The following ASIC5 variants were observed in gnomAD, a reference collection of about 807,000 sequenced individuals.
ASIC5 encodes the protein acid sensing ion channel subunit family member 5, also known as bile acid-sensitive ion channel.
A neutral mutation model predicts 51.2 loss-of-function variants in ASIC5; 52 were observed. The ratio of observed to expected loss-of-function variants is 1.02; its 90% confidence interval spans 0.81 to 1.28. ASIC5 has a LOEUF of 1.28. ASIC5 is among the 50% of genes most tolerant of loss of function. The pLI is 0.00. For synonymous variants in ASIC5, 231 were observed against 200.7 expected (o/e 1.15, Z -1.28); for missense variants, 635 against 595.0 (o/e 1.07, Z -0.70).
chr4:155,834,310 A>G (rs2111225163), intron 8 of ASIC5, among the ~76,000 whole-genome samples: 1 of 152,280 alleles, frequency 6.6e-6, no homozygotes, highest in East Asian at 1.9e-4. Context: ...TGGTTAAGTT[A>G]GGGGTCGCTT....
rs1741469566 is a variant in ASIC5 at position 155,854,273 on chromosome 4, A to C, written c.389T>G (p.Phe130Cys). The C allele has an allele frequency of 6.2e-7, 1 of 1,612,882 alleles. No individual in the cohort carries two copies. The highest frequency in any genetic ancestry group is 1.3e-5 in the African/African-American group (1 of 74,822). Residue 130 changes from phenylalanine (F) to cysteine (C), a missense_variant, in exon 3 of 10, where the codon TTC becomes TGC. Physicochemically the swap from Phe to Cys is radical, Grantham distance 205 (BLOSUM62 -2). Transcript: ENST00000537611. ...DAVAKFGVIFFLWHIVSKVLH... is the reference protein window; with the variant it reads ...DAVAKFGVIFCLWHIVSKVLH... ...GACTTTGGATACAATGTGCCATAAG[A>C]AAAAAATAACACCAAATTTGGCTAC... is the stretch of plus-strand genomic sequence containing the variant.
intron 8 of ASIC5, among the ~76,000 whole-genome samples, chr4:155,835,606 C>T (rs1330756602): frequency 6.6e-6 from 1 of 152,084 alleles, no homozygotes; most frequent in African/African-American, 2.4e-5. Flanking sequence ...TATTTAAATA[C>T]ATCAGGAACA....
At chr4:155,861,732 T>C (rs570040537) in intron 2 of ASIC5, among the ~76,000 whole-genome samples, 5 of 152,082 alleles carry the variant, frequency 3.3e-5, no homozygotes, top group Non-Finnish European at 7.4e-5. Flanking sequence ...CTATGTCTTA[T>C]GCCTTTTGTC....
At chr4:155,830,720 C>G (rs1457814702) in intron 9 of ASIC5, among the ~76,000 whole-genome samples, 1 of 152,148 alleles carries the variant, frequency 6.6e-6, no homozygotes, top group Non-Finnish European at 1.5e-5. Flanking sequence ...TCTTCCCTAA[C>G]TGAAACTCTG....
intron 8 of ASIC5, 91 bp from the exon 9 acceptor site, chr4:155,832,006 A>T (rs543617238): frequency 1.5e-6 from 1 of 664,214 alleles, no homozygotes; most frequent in East Asian, 2.9e-5. Context: ...TTTTTGTTTT[A>T]TATGCTATTT....
intron 6 of ASIC5, among the ~76,000 whole-genome samples, chr4:155,840,990 G>A (rs1741105368): frequency 6.6e-6 from 1 of 151,730 alleles, no homozygotes; most frequent in African/African-American, 2.4e-5. Context: ...TTTCATCTCT[G>A]ATCTCACCAA....
chr4:155,833,510 T>G (rs770122081), intron 8 of ASIC5, among the ~76,000 whole-genome samples: 1 of 152,204 alleles, frequency 6.6e-6, no homozygotes, highest in Non-Finnish European at 1.5e-5. Flanking sequence ...AACAGGAGAA[T>G]GTACTATGTT....
At chr4:155,830,284 T>C (rs569589533) in intron 9 of ASIC5, among the ~76,000 whole-genome samples, 2 of 152,234 alleles carry the variant, frequency 1.3e-5, no homozygotes, top group South Asian at 4.1e-4. Flanking sequence ...ATTCCAAACA[T>C]ATAACTCTAA....
intron 1 of ASIC5, among the ~76,000 whole-genome samples, chr4:155,865,579 A>G (rs1010050534): frequency 1.3e-5 from 2 of 152,130 alleles, no homozygotes; most frequent in African/African-American, 4.8e-5. Context: ...TTAACTTTCA[A>G]GTTTGCCTGT....
chr4:155,866,245 A>G lies in ASIC5; in HGVS notation c.-19T>C. The G allele has an allele frequency of 6.2e-7, 1 of 1,604,400 alleles. No homozygotes were observed. The highest frequency in any genetic ancestry group is 8.5e-7 in the Non-Finnish European group (1 of 1,172,280). On this transcript the variant is annotated 5_prime_UTR_variant, in exon 1 of 10. Transcript: ENST00000537611. ...GCTCCATTTGTGATTTCAGTTAAGC[A>G]AGAGTCCTCAGGGTAACCCAATTTT...
chr4:155,866,202 C>A lies in ASIC5; in HGVS notation c.25G>T (p.Val9Leu). The A allele has an allele frequency of 6.2e-7, 1 of 1,608,430 alleles. No homozygotes were observed. Among genetic ancestry groups the A allele is most frequent in the Non-Finnish European group, 8.5e-7 (1 of 1,175,716 alleles). ...CTTTACTCACCGTTCTCAGCATATA[C>A]TTTTGATTTTTCTGTCTGCTCCATT... The part of the protein sequence containing the change: MEQTEKSK[V>L]YAENGLLEKI... Residue 9 changes from valine (V) to leucine (L), a missense_variant, in exon 1 of 10, where the codon GTA becomes TTA. By Grantham distance (32) the Val-to-Leu change is conservative. Coordinates refer to ENST00000537611, the MANE Select transcript of ASIC5 (RefSeq NM_017419.3).
In ASIC5 at chr4:155,842,317, G is replaced by C; in HGVS notation, c.899C>G (p.Pro300Arg). The change falls in exon 6 of 10, where the codon CCT becomes CGT. Residue 300 changes from proline to arginine, a missense_variant. Physicochemically the swap from Pro to Arg is moderately radical, Grantham distance 103. Transcript: ENST00000537611. The stretch of plus-strand genomic sequence containing the variant: ...GCTAAAATTCTGCAGCTTGATGTTA[G>C]GATTGCATTCTCCCCAAGGGTATTC... ...HQEYPWGECN[P>R]NIKLQNFSSY... The C allele has an allele frequency of 2.5e-6, 4 of 1,613,380 alleles. No individual in the cohort carries two copies. The highest frequency in any genetic ancestry group is 3.4e-6 in the Non-Finnish European group (4 of 1,179,604).
intron 9 of ASIC5, among the ~76,000 whole-genome samples, chr4:155,830,529 T>G (rs987022121): frequency 2.0e-5 from 3 of 152,174 alleles, no homozygotes; most frequent in African/African-American, 7.2e-5. Flanking sequence ...AACATTGCCT[T>G]TTTGATATTT....
At position 155,838,870 on chromosome 4, in the gene ASIC5, CT is replaced by C; in HGVS notation, c.1010-2del. On this transcript the variant is annotated splice_acceptor_variant, in intron 6 of 9. Coordinates refer to ENST00000537611, the MANE Select transcript of ASIC5 (RefSeq NM_017419.3). LOFTEE classifies it high-confidence loss of function. ...TGTAGGTCACATTCTATCCCATATC[CT>C]TAAAAATAATAAGTGTAACATATAG... 6.5e-7 allele frequency: 1 copy of C among 1,549,176 alleles called. No individual in the cohort carries two copies. Among genetic ancestry groups the C allele is most frequent in the African/African-American group, 1.4e-5 (1 of 73,462 alleles).
At chr4:155,838,963 T>A (rs1741056040) in intron 6 of ASIC5, 94 bp from the exon 7 acceptor site, 1 of 652,262 alleles carries the variant, frequency 1.5e-6, no homozygotes, top group South Asian at 2.0e-5. Context: ...CATCTATCCA[T>A]CCATTCATCC....
Position 155,852,330 on chromosome 4 carries a change from A to G in ASIC5, c.586-14T>C. The G allele has an allele frequency of 6.4e-7, 1 of 1,573,624 alleles. No homozygotes were observed. The highest frequency in any genetic ancestry group is 8.6e-7 in the Non-Finnish European group (1 of 1,168,220). On this transcript the variant is annotated splice_polypyrimidine_tract_variant and intron_variant, in intron 3 of 9. Transcript: ENST00000537611. Reference sequence around the variant, plus strand: ...ATGTGCAAAATCCTCCAATATGTAAATGAACCAAAAAAAACCATCAATTTG... The same window carrying G: ...ATGTGCAAAATCCTCCAATATGTAAGTGAACCAAAAAAAACCATCAATTTG...
intron 8 of ASIC5, among the ~76,000 whole-genome samples, chr4:155,834,613 T>C (rs910731003): frequency 2.0e-5 from 3 of 152,132 alleles, no homozygotes; most frequent in African/African-American, 4.8e-5. Flanking sequence ...TTAATAATTA[T>C]ATGGACAGGA....
In ASIC5 at chr4:155,859,421, G is replaced by C. The variant is rs545158428; in HGVS notation, c.347+4027C>G. On this transcript the variant is annotated intron_variant, in intron 2 of 9. Coordinates refer to ENST00000537611, the MANE Select transcript of ASIC5 (RefSeq NM_017419.3). ...AGGGAAGTATTAAAAAGGGATCTCT[G>C]ACATACACTTGGTATAGGGTCCTGG... 1.1e-4 allele frequency among the ~76,000 whole-genome samples: 17 copies of C among 151,942 alleles called. No individual in the cohort carries two copies. In the East Asian group the frequency reaches 3.1e-3, roughly 28 times the overall value.
intron 8 of ASIC5, among the ~76,000 whole-genome samples, chr4:155,834,505 A>C (rs750015923): frequency 6.6e-6 from 1 of 152,148 alleles, no homozygotes; most frequent in East Asian, 1.9e-4. Context: ...ACCTTTGTTC[A>C]GCTGCTCACC....
Sources: allele counts gnomAD v4.1 joint callset (sites outside exome capture counted in the v4.1 genomes callset), GRCh38; gene constraint gnomAD v4.1.1; transcripts MANE v1.5; gene names NCBI Gene and HGNC (gene_info 2026-07-23, HGNC 2026-07-21).